NLRC5: variants seen among roughly 807,000 people sequenced by gnomAD.
NLRC5 encodes the protein protein NLRC5.
NLRC5 carries 114 observed loss-of-function variants against 206.9 expected under a neutral mutation model. The ratio of observed to expected loss-of-function variants is 0.55; its 90% confidence interval spans 0.47 to 0.64. NLRC5 has a LOEUF of 0.64. NLRC5 is among the 30% of genes least tolerant of loss of function. The pLI is 0.00. For synonymous variants in NLRC5, 952 were observed against 962.8 expected (o/e 0.99, Z 0.21); for missense variants, 2,008 against 2,305.5 (o/e 0.87, Z 2.64).
Position 57,020,818 on chromosome 16 carries a change from C to T in NLRC5, c.106C>T (p.Leu36Phe), listed in dbSNP as rs2060595458. ...EWLNAKMKFF[L>F]PNTDLDSRNE... ...GCTGAACGCCAAGATGAAGTTCTTC[C>T]TCCCCAACACGGACCTGGATTCCAG... The change falls in exon 3 of 49, where the codon CTC (leucine) becomes TTC (phenylalanine). Residue 36 changes from leucine to phenylalanine, a missense_variant. Transcript: ENST00000688547. 4 of 1,613,492 alleles carry T rather than the reference C, an allele frequency of 2.5e-6. No homozygotes were observed. The highest frequency in any genetic ancestry group is 3.4e-6 in the Non-Finnish European group (4 of 1,179,924).
intron 1 of NLRC5, among the ~76,000 whole-genome samples, chr16:57,005,925 A>C (rs567098447): frequency 7.5e-4 from 113 of 150,870 alleles, no homozygotes; most frequent in African/African-American, 2.6e-3. Flanking sequence ...GTCTCAAAAA[A>C]AAAAGGAAAA....
At chr16:57,045,342 C>T (rs1324650208) in intron 20 of NLRC5, 106 bp from the exon 21 acceptor site, 1 of 968,694 alleles carries the variant, frequency 1.0e-6, no homozygotes, top group Admixed American at 1.9e-5. Context: ...GCTAAGAAAG[C>T]AGGCCACCCC....
chr16:57,021,785 G>A (rs1194931858), intron 3 of NLRC5, among the ~76,000 whole-genome samples: 2 of 152,204 alleles, frequency 1.3e-5, no homozygotes, highest in African/African-American at 4.8e-5. Context: ...TGTTTGCACA[G>A]CACTGAGGGG....
intron 1 of NLRC5, chr16:57,013,436 G>A (rs2059709148): frequency 6.0e-6 from 4 of 662,520 alleles, no homozygotes; most frequent in Non-Finnish European, 1.1e-5. Context: ...GTTCCAAAGT[G>A]TTTCTGATGA....
chr16:57,046,400 G>A, intron 21 of NLRC5, 152 bp from the exon 22 acceptor site: 1 of 610,374 alleles, frequency 1.6e-6, no homozygotes, highest in Non-Finnish European at 3.0e-6. Flanking sequence ...TCTCTGAGAT[G>A]CCTTCCAGCC....
rs199476015 is a variant in NLRC5 at position 57,077,884 on chromosome 16, G to C, written c.5004-59G>C. Reference sequence around the variant, plus strand: ...CCTCTCCCGCAGTGGGCACAGGGCAGGGCGGGGGTCCCGAGTGGGCAGGCC... The same window carrying C: ...CCTCTCCCGCAGTGGGCACAGGGCACGGCGGGGGTCCCGAGTGGGCAGGCC... On this transcript the variant is annotated intron_variant, in intron 42 of 48. Transcript: ENST00000688547. 19 of 1,606,304 alleles carry C rather than the reference G, an allele frequency of 1.2e-5. No individual in the cohort carries two copies. The African/African-American group carries it at 2.5e-4, about 21-fold the overall frequency.
chr16:57,026,920 G>A lies in NLRC5; in HGVS notation c.1977G>A (p.Glu659=). The change falls in exon 6 of 49, where the codon GAG becomes GAA. Residue 659 remains glutamate, a synonymous_variant. Transcript: ENST00000688547. ...TDLATLTNIL[E]HREAPIHLDF... is the part of the protein sequence containing the mutation. Reference sequence around the variant, plus strand: ...TGGCCACCCTGACCAACATCCTAGAGCACAGGGAGGCCCCCATCCACCTGG... The same window carrying A: ...TGGCCACCCTGACCAACATCCTAGAACACAGGGAGGCCCCCATCCACCTGG... 1 of 1,614,186 alleles carries A rather than the reference G, an allele frequency of 6.2e-7. No homozygotes were observed. The highest frequency in any genetic ancestry group is 8.5e-7 in the Non-Finnish European group (1 of 1,180,042).
intron 32 of NLRC5, among the ~76,000 whole-genome samples, chr16:57,064,452 A>G (rs2066876836): frequency 6.6e-6 from 1 of 152,196 alleles, no homozygotes; most frequent in Admixed American, 6.5e-5. Context: ...AACAACCACC[A>G]TGAACATTTA....
chr16:57,047,426 A>AG, intron 22 of NLRC5, 119 bp from the exon 23 acceptor site: 1 of 819,722 alleles, frequency 1.2e-6, no homozygotes. Context: ...CCACAGGGGA[A>AG]GGGGCCTGTG....
At position 57,034,224 on chromosome 16, in the gene NLRC5, A is replaced by G. The variant is rs760738759; in HGVS notation, c.2600A>G (p.Gln867Arg). The G allele has an allele frequency of 6.2e-7, 1 of 1,612,674 alleles. No homozygotes were observed. The highest frequency in any genetic ancestry group is 8.5e-7 in the Non-Finnish European group (1 of 1,179,100). ...HDAEALIALLQEGPHLEEVDL... is the reference protein window; with the variant it reads ...HDAEALIALLREGPHLEEVDL... ...GCGGAGGCCCTCATAGCCCTGCTCC[A>G]GGAAGGCCCTCACCTGGAGGAAGTG... is the stretch of plus-strand genomic sequence containing the variant. Residue 867 changes from glutamine (Q) to arginine (R), a missense_variant, in exon 13 of 49, where the codon CAG (glutamine) becomes CGG (arginine). Physicochemically the swap from Gln to Arg is conservative, Grantham distance 43. Transcript: ENST00000688547.
At chr16:57,029,711 A>T in intron 8 of NLRC5, 62 bp from the exon 9 acceptor site, 1 of 1,428,422 alleles carries the variant, frequency 7.0e-7, no homozygotes, top group African/African-American at 1.4e-5. Flanking sequence ...GTCACTTGCT[A>T]ACTGGGGCTT....
chr16:57,013,613 AT>A, intron 1 of NLRC5: 1 of 1,071,932 alleles, frequency 9.3e-7, no homozygotes, highest in Non-Finnish European at 1.5e-6. Flanking sequence ...AAGCAAGGTC[AT>A]TAACTGGGCC....
rs944980305 is a variant in NLRC5, at chr16:57,026,860, G to A, written c.1917G>A (p.Leu639=). 1.2e-6 allele frequency: 2 copies of A among 1,614,198 alleles called. No individual in the cohort carries two copies. The change falls in exon 6 of 49, where the codon CTG becomes CTA. Residue 639 remains leucine, a synonymous_variant. Coordinates refer to ENST00000688547, the MANE Select transcript of NLRC5 (RefSeq NM_001384950.1). ...CCGCACAAAGCCTCCCCTATCAACT[G>A]CCCTTCCACAATTTCCCACTGACCT... ...SLTAQSLPYQ[L]PFHNFPLTCT... is the part of the protein sequence containing the mutation.
intron 29 of NLRC5, 166 bp from the exon 30 acceptor site, chr16:57,059,301 T>C: frequency 1.4e-6 from 2 of 1,464,650 alleles, no homozygotes; most frequent in Non-Finnish European, 1.8e-6. Flanking sequence ...GGTATTGCCA[T>C]GCTCACAGAA....
At chr16:57,006,075 G>A (rs2058866703) in intron 1 of NLRC5, among the ~76,000 whole-genome samples, 1 of 149,948 alleles carries the variant, frequency 6.7e-6, no homozygotes, top group Non-Finnish European at 1.5e-5. Context: ...TTGGCTCACT[G>A]CAGCCTGGAT....
chr16:57,059,109 G>T, intron 29 of NLRC5, 48 bp downstream of exon 29: 1 of 1,612,788 alleles, frequency 6.2e-7, no homozygotes, highest in Non-Finnish European at 8.5e-7. Context: ...TGGCCAACAG[G>T]TGCCCCTGGC....
rs289723 is a variant in NLRC5 at position 57,046,616 on chromosome 16, C to A, written c.3313C>A (p.Gln1105Lys). 419,911 of 1,613,094 alleles carry A rather than the reference C, an allele frequency of 0.26. 57,534 individuals carry two copies. The highest frequency in any genetic ancestry group is 0.29 in the Admixed American group (17,526 of 59,968). Reference sequence around the variant, plus strand: ...TGCAGCCAAGTTCTTAGGGTTCCGTCAGCGCTGCATCCCCAGGAGCCTCTG... The same window carrying A: ...TGCAGCCAAGTTCTTAGGGTTCCGTAAGCGCTGCATCCCCAGGAGCCTCTG... ...PAAAKFLGFR[Q>K]RCIPRSLCLS... is the part of the protein sequence containing the mutation. Residue 1105 changes from glutamine (Q) to lysine (K), a missense_variant, in exon 22 of 49, where the codon CAG becomes AAG. Transcript: ENST00000688547.
chr16:57,029,515 C>T (rs897107455), intron 8 of NLRC5, among the ~76,000 whole-genome samples: 3 of 152,166 alleles, frequency 2.0e-5, no homozygotes, highest in South Asian at 2.1e-4. Context: ...ATGAAGAGGC[C>T]GTCAGTCTGT....
At position 57,059,042 on chromosome 16, in the gene NLRC5, G is replaced by A; in HGVS notation, c.3901G>A (p.Val1301Ile). Residue 1301 changes from valine (V) to isoleucine (I), a missense_variant, in exon 29 of 49, where the codon GTC becomes ATC. Transcript: ENST00000688547. ...GGAGACACTGCCCTCCTGCCCACGT[G>A]TCCGGGAGGCCTCAGTGAAGTAAGG... ...LLETLPSCPR[V>I]REASVNLGSE... 6.2e-7 allele frequency: 1 copy of A among 1,614,106 alleles called. No homozygotes were observed. The highest frequency in any genetic ancestry group is 8.5e-7 in the Non-Finnish European group (1 of 1,180,016).
Sources: gnomAD v4.1 joint callset for allele counts (sites outside exome capture counted in the v4.1 genomes callset) on GRCh38, gnomAD v4.1.1 for gene constraint, MANE v1.5 for transcripts, NCBI Gene and HGNC (gene_info 2026-07-23, HGNC 2026-07-21) for gene names.